RCAN2: variants seen among roughly 807,000 people sequenced by gnomAD.
The protein encoded by RCAN2 is calcipressin-2.
Under a neutral mutation model 23.6 loss-of-function variants are expected in RCAN2, and 9 were observed. The observed-to-expected ratio is 0.38, with a 90% CI of 0.23 to 0.67. The LOEUF (loss-of-function observed/expected upper bound fraction) is 0.67, where lower values mean the gene tolerates loss of function less well. Ranked by LOEUF, RCAN2 falls within the 30% of genes least tolerant of loss-of-function variation. The pLI is 0.51. For missense variants in RCAN2, 273 were observed against 302.3 expected, an observed-to-expected ratio of 0.90 and a Z score of 0.72; for synonymous variants, 109 against 115.7, an observed-to-expected ratio of 0.94 and a Z score of 0.37.
intron 2 of RCAN2, among the ~76,000 whole-genome samples, chr6:46,339,016 A>AAAAAG (rs1244279369): frequency 7.3e-6 from 1 of 137,352 alleles, no homozygotes; most frequent in East Asian, 3.1e-4. Context: ...CCCTGTCTCA[A>AAAAAG]AAAAAAAAAA....
rs139610855 is a variant in RCAN2, at chr6:46,335,488, G to A, written c.226-86592C>T. 3.5e-3 allele frequency among the ~76,000 whole-genome samples: 526 copies of A among 152,246 alleles called. 3 individuals are homozygous for A. The highest frequency in any genetic ancestry group is 0.012 in the African/African-American group (495 of 41,554). On this transcript the variant is annotated intron_variant, in intron 2 of 4. Coordinates refer to ENST00000371374, the MANE Select transcript of RCAN2 (RefSeq NM_001251974.2). ...GGACAAACCTAGATTAAATAACAAA[G>A]GACAATAAAGTGGGAGTCAATCATT...
In RCAN2 at chr6:46,287,940, C is replaced by T. The variant is rs570269164; in HGVS notation, c.226-39044G>A. ...GTTACTCATATGAAAGTGCTGTAAA[C>T]GACAAAGAATAATACGACCCGAGGA... On this transcript the variant is annotated intron_variant, in intron 2 of 4. Coordinates refer to ENST00000371374, the MANE Select transcript of RCAN2 (RefSeq NM_001251974.2). Among the ~76,000 whole-genome samples the T allele has an allele frequency of 5.9e-5, 9 of 152,304 alleles. No individual in the cohort carries two copies. In the South Asian group the frequency reaches 8.3e-4, roughly 14 times the overall value.
chr6:46,236,281 A>G (rs913169323), intron 4 of RCAN2, among the ~76,000 whole-genome samples: 1 of 152,302 alleles, frequency 6.6e-6, no homozygotes, highest in African/African-American at 2.4e-5. Flanking sequence ...CTGGTCTTCA[A>G]AATGAACCTA....
Position 46,281,748 on chromosome 6 carries a change from A to G in RCAN2, c.226-32852T>C, listed in dbSNP as rs182125988. ...AGATGCCATATGTTGAACAGTTACTATATGTTGGGCATTGTTCCAAAGATA... is the reference window on the plus strand; with the variant it reads ...AGATGCCATATGTTGAACAGTTACTGTATGTTGGGCATTGTTCCAAAGATA... On this transcript the variant is annotated intron_variant, in intron 2 of 4. Coordinates refer to ENST00000371374, the MANE Select transcript of RCAN2 (RefSeq NM_001251974.2). Among the ~76,000 whole-genome samples, 12 of 152,308 alleles carry G rather than the reference A, an allele frequency of 7.9e-5. No homozygotes were observed. The East Asian group carries it at 2.3e-3, about 29-fold the overall frequency.
rs375541071 is a variant in RCAN2, at chr6:46,461,662, C to T, written c.-2-4684G>A. On this transcript the variant is annotated intron_variant, in intron 1 of 4. Coordinates refer to ENST00000371374, the MANE Select transcript of RCAN2 (RefSeq NM_001251974.2). ...GTACAATGGCACGATCTTGACTCAT[C>T]GCAACTTCCGCCTCCCGGGTTCAAG... Among the ~76,000 whole-genome samples the T allele has an allele frequency of 3.3e-5, 5 of 151,452 alleles. 1 individual carries two copies. Among genetic ancestry groups the T allele is most frequent in the Admixed American group, 2.6e-4 (4 of 15,194 alleles).
At chr6:46,429,167 C>A in intron 2 of RCAN2, among the ~76,000 whole-genome samples, 1 of 152,110 alleles carries the variant, frequency 6.6e-6, no homozygotes, top group Non-Finnish European at 1.5e-5. Flanking sequence ...GTATAGAAAC[C>A]AGAGTCCTTC....
In RCAN2 at chr6:46,365,575, T is replaced by C. The variant is rs149150124; in HGVS notation, c.225+91177A>G. Among the ~76,000 whole-genome samples, 851 of 152,302 alleles carry C rather than the reference T, an allele frequency of 5.6e-3. 8 individuals are homozygous for C. Among genetic ancestry groups the C allele is most frequent in the African/African-American group, 0.02 (829 of 41,552 alleles). Reference sequence around the variant, plus strand: ...AAACCAGTCCCTGGTGCCAAAAAGTTTGGAGACGGCTGCTATAAGGTATAT... The same window carrying C: ...AAACCAGTCCCTGGTGCCAAAAAGTCTGGAGACGGCTGCTATAAGGTATAT... On this transcript the variant is annotated intron_variant, in intron 2 of 4. Coordinates refer to ENST00000371374, the MANE Select transcript of RCAN2 (RefSeq NM_001251974.2).
At chr6:46,459,204 C>T (rs1768142807) in intron 1 of RCAN2, among the ~76,000 whole-genome samples, 1 of 152,200 alleles carries the variant, frequency 6.6e-6, no homozygotes, top group Admixed American at 6.5e-5. Context: ...AGCCAGGAAA[C>T]TCTTTTGATA....
chr6:46,436,129 A>G (rs1466585505), intron 2 of RCAN2, among the ~76,000 whole-genome samples: 3 of 152,218 alleles, frequency 2.0e-5, no homozygotes, highest in African/African-American at 7.2e-5. Flanking sequence ...TTCTGAGGGT[A>G]GTGAGACTAG....
chr6:46,282,652 A>G (rs1762238494), intron 2 of RCAN2, among the ~76,000 whole-genome samples: 1 of 152,200 alleles, frequency 6.6e-6, no homozygotes, highest in African/African-American at 2.4e-5. Context: ...TGGACCACTG[A>G]TCTAGAGCTT....
chr6:46,269,579 C>T (rs906362697), intron 2 of RCAN2, among the ~76,000 whole-genome samples: 7 of 152,144 alleles, frequency 4.6e-5, no homozygotes, highest in African/African-American at 1.7e-4. Context: ...CGTGGAGATC[C>T]TTGGTCATGC....
chr6:46,282,562 A>G (rs1762235194), intron 2 of RCAN2, among the ~76,000 whole-genome samples: 1 of 152,182 alleles, frequency 6.6e-6, no homozygotes, highest in Non-Finnish European at 1.5e-5. Context: ...AATTTCTCTG[A>G]AAAGATGACC....
chr6:46,415,162 G>A (rs150474726), intron 2 of RCAN2, among the ~76,000 whole-genome samples: 11 of 152,266 alleles, frequency 7.2e-5, no homozygotes, highest in African/African-American at 2.6e-4. Flanking sequence ...TGGCAACTGC[G>A]GAGGATAGAG....
intron 2 of RCAN2, among the ~76,000 whole-genome samples, chr6:46,377,210 G>A (rs1357009568): frequency 6.6e-6 from 1 of 152,168 alleles, no homozygotes; most frequent in East Asian, 1.9e-4. Flanking sequence ...GATGCTCAAG[G>A]TAACCTACTT....
At chr6:46,252,476 C>T (rs1313096078) in intron 2 of RCAN2, among the ~76,000 whole-genome samples, 1 of 152,164 alleles carries the variant, frequency 6.6e-6, no homozygotes, top group Non-Finnish European at 1.5e-5. Flanking sequence ...GTTTCAGGAC[C>T]TCTTTACACT....
At chr6:46,250,699 A>C (rs564478556) in intron 2 of RCAN2, among the ~76,000 whole-genome samples, 73 of 152,320 alleles carry the variant, frequency 4.8e-4, no homozygotes, top group African/African-American at 1.6e-3. Context: ...AAAGAATTAT[A>C]CTGTCAGGTT....
chr6:46,256,474 C>G (rs1187252021), intron 2 of RCAN2, among the ~76,000 whole-genome samples: 3 of 152,082 alleles, frequency 2.0e-5, no homozygotes, highest in Admixed American at 6.6e-5. Flanking sequence ...AACACAGATC[C>G]AGGCCGAACT....
chr6:46,458,273 T>C (rs773605997), intron 1 of RCAN2, among the ~76,000 whole-genome samples: 4 of 152,330 alleles, frequency 2.6e-5, no homozygotes, highest in Middle Eastern at 3.4e-3. Context: ...TGCTTATCTC[T>C]CTCTTGAACT....
chr6:46,474,581 T>A (rs879310352), intron 1 of RCAN2, among the ~76,000 whole-genome samples: 1 of 151,980 alleles, frequency 6.6e-6, no homozygotes, highest in Non-Finnish European at 1.5e-5. Flanking sequence ...TGATGGTACG[T>A]TTGGAAAGGA....
Sources: allele counts gnomAD v4.1 joint callset (sites outside exome capture counted in the v4.1 genomes callset), GRCh38; gene constraint gnomAD v4.1.1; transcripts MANE v1.5; gene names NCBI Gene and HGNC (gene_info 2026-07-23, HGNC 2026-07-21).